Variants in CNBD1 observed in about 807,000 individuals in gnomAD.
The protein encoded by CNBD1 is cyclic nucleotide-binding domain-containing protein 1.
A neutral mutation model predicts 54.4 loss-of-function variants in CNBD1; 71 were observed. The ratio of observed to expected loss-of-function variants is 1.30; its 90% CI spans 1.08 to 1.59. The LOEUF (loss-of-function observed/expected upper bound fraction) is 1.59. CNBD1 is among the 40% of genes most tolerant of loss of function. The probability of loss-of-function intolerance (pLI) is 0.00; values close to 1 mark genes in which losing one functional copy is unlikely to be tolerated. For missense variants in CNBD1, 659 were observed against 518.0 expected (o/e 1.27, Z -2.64); for synonymous variants, 182 against 170.7 (o/e 1.07, Z -0.51).
At chr8:87,369,958 A>C (rs1193709383) in intron 10 of CNBD1, among the ~76,000 whole-genome samples, 1 of 151,608 alleles carries the variant, frequency 6.6e-6, no homozygotes, top group South Asian at 2.1e-4. Context: ...ATTCCCATCT[A>C]TGAGTGAGAA....
chr8:87,414,679 T>C (rs1451394059), intron 2 of CNBD1, among the ~76,000 whole-genome samples: 4 of 152,074 alleles, frequency 2.6e-5, no homozygotes, highest in Non-Finnish European at 1.5e-5. Flanking sequence ...GTTAATTAAT[T>C]AAACATTACT....
At chr8:86,897,738 T>C (rs1046090122) in intron 2 of CNBD1, among the ~76,000 whole-genome samples, 2 of 152,214 alleles carry the variant, frequency 1.3e-5, no homozygotes, top group Non-Finnish European at 2.9e-5. Context: ...GATAAGACAG[T>C]TGGCAAGGAA....
downstream of CNBD1, among the ~76,000 whole-genome samples, chr8:87,385,425 T>G (rs1333363343): frequency 6.6e-6 from 1 of 151,996 alleles, no homozygotes; most frequent in Non-Finnish European, 1.5e-5. Context: ...ACCCTAATAC[T>G]GCGCTTTTCC....
intron 3 of CNBD1, among the ~76,000 whole-genome samples, chr8:86,928,967 C>T (rs987816416): frequency 2.6e-5 from 4 of 152,160 alleles, no homozygotes; most frequent in Admixed American, 2.0e-4. Context: ...GAAAACTATC[C>T]CCCTGTGAAA....
intron 4 of CNBD1, among the ~76,000 whole-genome samples, chr8:86,994,110 C>T (rs955199043): frequency 1.1e-4 from 16 of 152,212 alleles, no homozygotes; most frequent in Non-Finnish European, 2.1e-4. Flanking sequence ...ACAGTGGAGG[C>T]TCCTCCCCAA....
intron 2 of CNBD1, among the ~76,000 whole-genome samples, chr8:87,414,244 T>C (rs1383146397): frequency 6.6e-6 from 1 of 151,840 alleles, no homozygotes; most frequent in Non-Finnish European, 1.5e-5. Flanking sequence ...AAACTGGAAA[T>C]CATCATTCTC....
Position 86,955,079 on chromosome 8 carries a change from C to T in CNBD1, c.431+15325C>T, listed in dbSNP as rs141128838. ...TTTCCCACCGATGAGTGAGAACATG[C>T]GGTGTTTGGTGTTCTGTCCTTGCAA... On this transcript the variant is annotated intron_variant, in intron 4 of 10. Transcript: ENST00000518476. Among the ~76,000 whole-genome samples, 675 of 150,544 alleles carry T rather than the reference C, an allele frequency of 4.5e-3. 5 individuals carry two copies. The highest frequency in any genetic ancestry group is 0.015 in the African/African-American group (595 of 40,988).
intron 4 of CNBD1, among the ~76,000 whole-genome samples, chr8:87,017,612 G>T (rs896458314): frequency 6.6e-6 from 1 of 152,112 alleles, no homozygotes; most frequent in African/African-American, 2.4e-5. Context: ...CTAATTGTAA[G>T]GAGTTGCTAA....
chr8:87,184,130 A>G (rs1227061446), intron 4 of CNBD1, among the ~76,000 whole-genome samples: 4 of 152,158 alleles, frequency 2.6e-5, no homozygotes, highest in Non-Finnish European at 5.9e-5. Context: ...TGTTGGGGGT[A>G]GTGTGCACCA....
At chr8:87,227,940 C>G (rs912408661) in intron 5 of CNBD1, among the ~76,000 whole-genome samples, 91 of 149,522 alleles carry the variant, frequency 6.1e-4, no homozygotes, top group Admixed American at 1.1e-3. Flanking sequence ...TTGCTCATTT[C>G]TTTTTATTCT....
intron 10 of CNBD1, among the ~76,000 whole-genome samples, chr8:87,358,782 G>A (rs533801951): frequency 6.6e-6 from 1 of 152,276 alleles, no homozygotes; most frequent in East Asian, 1.9e-4. Context: ...TTGAAAACTG[G>A]AGAGGGCAGA....
At chr8:87,041,515 C>A (rs1390167901) in intron 4 of CNBD1, among the ~76,000 whole-genome samples, 1 of 152,156 alleles carries the variant, frequency 6.6e-6, no homozygotes, top group Non-Finnish European at 1.5e-5. Flanking sequence ...GAAAGCTGGA[C>A]TTGAAAACCA....
intron 2 of CNBD1, among the ~76,000 whole-genome samples, chr8:87,397,249 A>G (rs1811426272): frequency 6.6e-6 from 1 of 151,882 alleles, no homozygotes; most frequent in Admixed American, 6.6e-5. Context: ...TAATATTTAT[A>G]CTATTAGGAG....
At chr8:86,902,906 T>C (rs111512796) in intron 2 of CNBD1, among the ~76,000 whole-genome samples, 21 of 152,266 alleles carry the variant, frequency 1.4e-4, no homozygotes, top group African/African-American at 3.8e-4. Flanking sequence ...GATACATTTA[T>C]TTACAGATTT....
downstream of CNBD1, among the ~76,000 whole-genome samples, chr8:87,385,696 G>A (rs576644957): frequency 2.0e-4 from 31 of 152,246 alleles, 1 homozygote; most frequent in South Asian, 4.1e-4. Flanking sequence ...TGGGGGCAGG[G>A]CATAGCCAAT....
At chr8:87,066,770 A>T (rs1485359604) in intron 4 of CNBD1, among the ~76,000 whole-genome samples, 2 of 151,918 alleles carry the variant, frequency 1.3e-5, no homozygotes, top group African/African-American at 4.8e-5. Context: ...TATTTTGAAA[A>T]CTAATAGTTT....
chr8:87,264,334 T>A (rs1270206759), intron 6 of CNBD1, among the ~76,000 whole-genome samples: 1 of 152,162 alleles, frequency 6.6e-6, no homozygotes, highest in Non-Finnish European at 1.5e-5. Flanking sequence ...GAACTCATCA[T>A]TTTTTATGGC....
intron 4 of CNBD1, among the ~76,000 whole-genome samples, chr8:87,027,065 G>T (rs1809663426): frequency 6.6e-6 from 1 of 151,938 alleles, no homozygotes; most frequent in African/African-American, 2.4e-5. Flanking sequence ...AATACTTTGG[G>T]CTTAACTTAT....
downstream of CNBD1, among the ~76,000 whole-genome samples, chr8:87,386,597 T>A (rs113111329): frequency 0.019 from 2,872 of 152,152 alleles, 92 homozygotes; most frequent in African/African-American, 0.063. Context: ...CCAAGAAATA[T>A]GGGACTATGT....
Sources: gnomAD v4.1 joint callset for allele counts (sites outside exome capture counted in the v4.1 genomes callset) on GRCh38, gnomAD v4.1.1 for gene constraint, MANE v1.5 for transcripts, NCBI Gene and HGNC (gene_info 2026-07-23, HGNC 2026-07-21) for gene names.